PTBP2: variants seen among roughly 807,000 people sequenced by gnomAD.
The protein encoded by PTBP2 is polypyrimidine tract binding protein 2.
A neutral mutation model predicts 61.4 loss-of-function variants in PTBP2; 13 were observed. The ratio of observed to expected loss-of-function variants is 0.21; its 90% confidence interval spans 0.14 to 0.34. The LOEUF (loss-of-function observed/expected upper bound fraction) is 0.34. Among genes scored for constraint, PTBP2 ranks in the 10% least tolerant of loss-of-function variants. PTBP2 has a pLI of 1.00. For synonymous variants in PTBP2, 215 were observed against 218.5 expected, an observed-to-expected ratio of 0.98 and a Z score of 0.14; for missense variants, 405 against 642.6, an observed-to-expected ratio of 0.63 and a Z score of 4.00.
At chr1:96,739,538 TGGAATTATACAGTATA>T (rs1343375887) in intron 2 of PTBP2, among the ~76,000 whole-genome samples, 2 of 151,432 alleles carry the variant, frequency 1.3e-5, no homozygotes, top group Non-Finnish European at 2.9e-5. Flanking sequence ...CTCACATAAG[TGGAATTATACAGTATA>T]GGTTAAGCAT....
chr1:96,790,175 T>G (rs1659633675), intron 8 of PTBP2, among the ~76,000 whole-genome samples: 2 of 152,154 alleles, frequency 1.3e-5, no homozygotes, highest in South Asian at 4.1e-4. Context: ...AGTCTGGCTG[T>G]TTCTTTAGAG....
At chr1:96,726,966 T>C (rs995160929) in intron 2 of PTBP2, among the ~76,000 whole-genome samples, 1 of 152,218 alleles carries the variant, frequency 6.6e-6, no homozygotes, top group Non-Finnish European at 1.5e-5. Context: ...TACAATGTTT[T>C]ATCTCATATA....
chr1:96,767,005 A>G (rs1656806739), intron 3 of PTBP2, among the ~76,000 whole-genome samples: 1 of 152,176 alleles, frequency 6.6e-6, no homozygotes, highest in Non-Finnish European at 1.5e-5. Flanking sequence ...TGGGGTTGAT[A>G]GGTCATAATG....
intron 2 of PTBP2, among the ~76,000 whole-genome samples, chr1:96,740,940 AC>A: frequency 6.6e-6 from 1 of 152,032 alleles, no homozygotes; most frequent in South Asian, 2.1e-4. Flanking sequence ...GCATATTCTA[AC>A]GTGTTAATAT....
downstream of PTBP2, chr1:96,819,013 A>G (rs1662585579): frequency 6.6e-6 from 1 of 152,104 alleles, no homozygotes; most frequent in South Asian, 2.1e-4. Context: ...AGCTTATAAT[A>G]GAAATCAGTA....
At chr1:96,733,967 C>G (rs1651794348) in intron 2 of PTBP2, among the ~76,000 whole-genome samples, 1 of 152,056 alleles carries the variant, frequency 6.6e-6, no homozygotes, top group African/African-American at 2.4e-5. Context: ...TTATTTTAGT[C>G]TCTTGGTCTA....
chr1:96,753,400 A>T (rs1383017618), intron 3 of PTBP2, among the ~76,000 whole-genome samples: 1 of 152,184 alleles, frequency 6.6e-6, no homozygotes, highest in Non-Finnish European at 1.5e-5. Context: ...CTAGCCCGAT[A>T]GGAAGTGAAG....
intron 5 of PTBP2, among the ~76,000 whole-genome samples, chr1:96,773,971 A>AG (rs1180116776): frequency 6.6e-6 from 1 of 151,328 alleles, no homozygotes; most frequent in African/African-American, 2.4e-5. Flanking sequence ...TCAAAAAAAA[A>AG]AAAAAAAAAG....
At chr1:96,776,938 A>G (rs746767558) in intron 5 of PTBP2, among the ~76,000 whole-genome samples, 2 of 152,034 alleles carry the variant, frequency 1.3e-5, no homozygotes, top group African/African-American at 2.4e-5. Flanking sequence ...ACATAAAACA[A>G]TAGTGCATTT....
At chr1:96,732,404 C>T (rs190111087) in intron 2 of PTBP2, among the ~76,000 whole-genome samples, 41 of 152,234 alleles carry the variant, frequency 2.7e-4, no homozygotes, top group African/African-American at 9.1e-4. Flanking sequence ...TGCGAAATGA[C>T]AGTACTATGT....
At chr1:96,816,211 T>G (rs947791881), downstream of PTBP2, 1 of 152,218 alleles carries the variant, frequency 6.6e-6, no homozygotes, top group South Asian at 2.1e-4. Flanking sequence ...AATACGGCCT[T>G]CCTTCCAAAG....
chr1:96,795,427 G>C (rs528156006), intron 8 of PTBP2, among the ~76,000 whole-genome samples: 2 of 152,306 alleles, frequency 1.3e-5, no homozygotes, highest in Admixed American at 6.5e-5. Context: ...AGGAAATTCA[G>C]CCTAAGACTT....
At chr1:96,797,756 T>C (rs1312951008) in intron 8 of PTBP2, among the ~76,000 whole-genome samples, 1 of 152,230 alleles carries the variant, frequency 6.6e-6, no homozygotes, top group Non-Finnish European at 1.5e-5. Context: ...CAGTACAATA[T>C]AAATGTTATG....
At chr1:96,779,186 T>C (rs1658375817) in intron 7 of PTBP2, among the ~76,000 whole-genome samples, 1 of 152,110 alleles carries the variant, frequency 6.6e-6, no homozygotes, top group Non-Finnish European at 1.5e-5. Flanking sequence ...AATTCTTTTT[T>C]TTTGTCCAAA....
chr1:96,751,667 A>AC (rs1412766221), intron 3 of PTBP2, among the ~76,000 whole-genome samples, 167 bp downstream of exon 3: 4 of 151,750 alleles, frequency 2.6e-5, no homozygotes, highest in Non-Finnish European at 5.9e-5. Flanking sequence ...GGAAAAAAAA[A>AC]AAAAACCTGA....
chr1:96,770,002 C>T (rs1003027984), intron 4 of PTBP2, 127 bp downstream of exon 4: 61 of 671,454 alleles, frequency 9.1e-5, no homozygotes, highest in African/African-American at 8.3e-4. Flanking sequence ...CTCACTTTTT[C>T]GAGTAGATGT....
intron 1 of PTBP2, among the ~76,000 whole-genome samples, chr1:96,722,180 C>A (rs951792644): frequency 2.0e-5 from 3 of 151,972 alleles, no homozygotes; most frequent in African/African-American, 7.2e-5. Flanking sequence ...TAACGTCTCC[C>A]CGGTCTGTCC....
intron 11 of PTBP2, among the ~76,000 whole-genome samples, chr1:96,810,326 A>C (rs1040768074): frequency 9.2e-5 from 14 of 152,180 alleles, no homozygotes; most frequent in Non-Finnish European, 1.9e-4. Flanking sequence ...TAAAATTAGT[A>C]ATTCAGGTAA....
At chr1:96,782,573 G>A (rs1000110485) in intron 7 of PTBP2, among the ~76,000 whole-genome samples, 4 of 151,894 alleles carry the variant, frequency 2.6e-5, no homozygotes, top group South Asian at 2.1e-4. Flanking sequence ...ACCAGGGTGG[G>A]GTTATTTGAT....
Sources: gnomAD v4.1 joint callset for allele counts (sites outside exome capture counted in the v4.1 genomes callset) on GRCh38, gnomAD v4.1.1 for gene constraint, MANE v1.5 for transcripts, NCBI Gene and HGNC (gene_info 2026-07-23, HGNC 2026-07-21) for gene names.